The following PPP2R5A variants were observed in gnomAD, a reference collection of about 807,000 sequenced individuals.
PPP2R5A encodes the protein protein phosphatase 2 regulatory subunit B'alpha.
A neutral mutation model predicts 64.2 loss-of-function variants in PPP2R5A; 25 were observed. That is an observed-to-expected ratio of 0.39 (90% CI 0.28 to 0.54). The LOEUF (loss-of-function observed/expected upper bound fraction) is 0.54, where lower values mean the gene tolerates loss of function less well. Ranked by LOEUF, PPP2R5A falls within the 20% of genes least tolerant of loss-of-function variation. The pLI is 0.67. For synonymous variants in PPP2R5A, 198 were observed against 201.2 expected (o/e 0.98, Z 0.13); for missense variants, 425 against 576.3 (o/e 0.74, Z 2.69).
At chr1:212,288,522 T>G (rs1658546057) in intron 1 of PPP2R5A, among the ~76,000 whole-genome samples, 1 of 152,158 alleles carries the variant, frequency 6.6e-6, no homozygotes, top group South Asian at 2.1e-4. Context: ...CAGGATAAAT[T>G]TATGCAAATT....
chr1:212,304,882 A>T (rs1042049398), intron 1 of PPP2R5A, among the ~76,000 whole-genome samples: 6 of 150,838 alleles, frequency 4.0e-5, no homozygotes, highest in Admixed American at 1.3e-4. Context: ...ACAGGCACAC[A>T]CCACCATGCC....
At position 212,343,855 on chromosome 1, in the gene PPP2R5A, T is replaced by A. The variant is rs560300437; in HGVS notation, c.573+1575T>A. Among the ~76,000 whole-genome samples, 3 of 152,330 alleles carry A rather than the reference T, an allele frequency of 2.0e-5. No homozygotes were observed. In the South Asian group the frequency reaches 6.2e-4, roughly 32 times the overall value. ...TTGTTAGTCTAGAGCTTGAGGTATT[T>A]AAGCTGCTGTATTATTTTGTGGTGT... is the stretch of plus-strand genomic sequence containing the variant. On this transcript the variant is annotated intron_variant, in intron 4 of 12. Transcript: ENST00000261461.
At chr1:212,337,251 T>C (rs1316209714) in intron 3 of PPP2R5A, among the ~76,000 whole-genome samples, 2 of 152,174 alleles carry the variant, frequency 1.3e-5, no homozygotes, top group Non-Finnish European at 2.9e-5. Flanking sequence ...ACTAACAATA[T>C]ATTAATTTTC....
At chr1:212,341,712 ATAGT>A (rs1659688259) in intron 3 of PPP2R5A, among the ~76,000 whole-genome samples, 1 of 152,054 alleles carries the variant, frequency 6.6e-6, no homozygotes, top group African/African-American at 2.4e-5. Context: ...TGGTGAATAT[ATAGT>A]TTCTAGGTTT....
At chr1:212,316,997 C>T (rs1311692835) in intron 1 of PPP2R5A, among the ~76,000 whole-genome samples, 1 of 152,096 alleles carries the variant, frequency 6.6e-6, no homozygotes, top group Admixed American at 6.5e-5. Flanking sequence ...ATTTAATCCC[C>T]CATTTCAGTT....
chr1:212,310,707 A>AT (rs1265401974), intron 1 of PPP2R5A, among the ~76,000 whole-genome samples: 2 of 152,100 alleles, frequency 1.3e-5, no homozygotes, highest in Non-Finnish European at 2.9e-5. Flanking sequence ...GGCCCCAGTT[A>AT]TTTTTTTAGC....
chr1:212,321,980 G>A (rs1360088601), intron 1 of PPP2R5A, among the ~76,000 whole-genome samples: 1 of 151,972 alleles, frequency 6.6e-6, no homozygotes, highest in African/African-American at 2.4e-5. Context: ...GCGGTTAGGA[G>A]CTGGAGACCA....
chr1:212,296,183 G>C (rs147760790), intron 1 of PPP2R5A, among the ~76,000 whole-genome samples: 98 of 152,106 alleles, frequency 6.4e-4, no homozygotes, highest in African/African-American at 2.3e-3. Flanking sequence ...TGGACACCTG[G>C]GTGGATAGGA....
chr1:212,346,931 C>T (rs1558153268), intron 5 of PPP2R5A, among the ~76,000 whole-genome samples: 1 of 152,166 alleles, frequency 6.6e-6, no homozygotes, highest in Non-Finnish European at 1.5e-5. Context: ...GAAAGCTATG[C>T]AGCCTATATA....
chr1:212,336,869 A>G (rs372290984), intron 3 of PPP2R5A, among the ~76,000 whole-genome samples: 14 of 152,316 alleles, frequency 9.2e-5, no homozygotes, highest in African/African-American at 2.9e-4. Context: ...ATGAGATCCT[A>G]GATGCTAGAA....
intron 3 of PPP2R5A, among the ~76,000 whole-genome samples, chr1:212,339,936 T>C (rs1451266502): frequency 1.4e-5 from 2 of 139,012 alleles, no homozygotes; most frequent in African/African-American, 2.7e-5. Flanking sequence ...TTGGAGTCTA[T>C]AATTCCATAC....
Position 212,360,827 on chromosome 1 carries a change from A to C in PPP2R5A, c.*57A>C, listed in dbSNP as rs1172856302. On this transcript the variant is annotated 3_prime_UTR_variant, in exon 13 of 13. Transcript: ENST00000261461. ...AGAGTTTTGTATGCTTTTTTGAAAT[A>C]TGTAAAAATTACAAAACAAACCTCA... 49 of 1,459,234 alleles carry C rather than the reference A, an allele frequency of 3.4e-5. No individual in the cohort carries two copies. The highest frequency in any genetic ancestry group is 1.9e-5 in the Non-Finnish European group (21 of 1,099,162). 90.4% of individuals were successfully genotyped at this position (1,459,234 alleles called of 1,614,324 possible).
At position 212,286,275 on chromosome 1, in the gene PPP2R5A, G is replaced by T. The variant is rs1282418904; in HGVS notation, c.165G>T (p.Pro55=). 8 of 1,525,822 alleles carry T rather than the reference G, an allele frequency of 5.2e-6. No individual in the cohort carries two copies. Among genetic ancestry groups the T allele is most frequent in the Non-Finnish European group, 6.1e-6 (7 of 1,138,280 alleles). 94.5% of individuals were successfully genotyped at this position (1,525,822 alleles called of 1,614,324 possible). ...AGGGCAGCCAGGCAGAGCTGCACCC[G>T]CTGCCCCAGCTCAAAGGTAACCTCC... The part of the protein sequence containing the change: ...RSQGSQAELH[P]LPQLKDATSN... Residue 55 remains proline (P), a synonymous_variant, in exon 1 of 13, where the codon CCG becomes CCT. Coordinates refer to ENST00000261461, the MANE Select transcript of PPP2R5A (RefSeq NM_006243.4).
intron 7 of PPP2R5A, 88 bp downstream of exon 7, chr1:212,348,585 G>T: frequency 1.0e-6 from 1 of 968,794 alleles, no homozygotes; most frequent in Non-Finnish European, 1.5e-6. Context: ...TGAGATGACA[G>T]TTTTAAGTAT....
At position 212,297,111 on chromosome 1, in the gene PPP2R5A, TTTTTTTTTTTTTTTTTTTTTTTTTTTTG is replaced by T. The variant is rs1456462810; in HGVS notation, c.181+10821_181+10848del. Among the ~76,000 whole-genome samples the T allele has an allele frequency of 3.5e-3, 47 of 13,256 alleles. 1 individual carries two copies. The highest frequency in any genetic ancestry group is 0.021 in the Middle Eastern group (1 of 48). The allele number at this position is 13,256 out of a possible 152,430, so 8.7% of individuals were successfully genotyped here. ...TTTGCTTCTTCTTTTTTTTTTTTTT[TTTTTTTTTTTTTTTTTTTTTTTTTTTTG>T]GAGACGGAGTCTCACTCTATCGCCC... On this transcript the variant is annotated intron_variant, in intron 1 of 12. Transcript: ENST00000261461.
rs373031716 is a variant in PPP2R5A at position 212,346,077 on chromosome 1, T to C, written c.704+144T>C. 2.2e-5 allele frequency: 17 copies of C among 779,396 alleles called. No homozygotes were observed. In the African/African-American group the frequency reaches 2.7e-4, roughly 12 times the overall value. The allele number at this position is 779,396 out of a possible 1,614,324, so 48.3% of individuals were successfully genotyped here. On this transcript the variant is annotated intron_variant, in intron 5 of 12. Coordinates refer to ENST00000261461, the MANE Select transcript of PPP2R5A (RefSeq NM_006243.4). The stretch of plus-strand genomic sequence containing the variant: ...AGTGCAGTGGTGAGAACATAGCTCA[T>C]TGTAGCCCCCATCTCCCAGACTCAA...
intron 1 of PPP2R5A, among the ~76,000 whole-genome samples, chr1:212,318,182 A>T (rs929476295): frequency 6.6e-6 from 1 of 152,208 alleles, no homozygotes; most frequent in Admixed American, 6.5e-5. Context: ...CTTTAGTGAG[A>T]TCAAGTGGCA....
intron 3 of PPP2R5A, among the ~76,000 whole-genome samples, chr1:212,335,936 C>A (rs1659586965): frequency 1.3e-5 from 2 of 152,012 alleles, no homozygotes; most frequent in African/African-American, 4.8e-5. Context: ...AAAGTGTTTT[C>A]ATTAGAATAT....
intron 7 of PPP2R5A, 78 bp downstream of exon 7, chr1:212,348,575 T>C (rs1659823662): frequency 5.8e-6 from 6 of 1,043,248 alleles, no homozygotes; most frequent in African/African-American, 1.6e-5. Context: ...TGAGAAATAC[T>C]GAGATGACAG....
Sources: allele counts gnomAD v4.1 joint callset (sites outside exome capture counted in the v4.1 genomes callset), GRCh38; gene constraint gnomAD v4.1.1; transcripts MANE v1.5; gene names NCBI Gene and HGNC (gene_info 2026-07-23, HGNC 2026-07-21).